CD40: variants seen among roughly 807,000 people sequenced by gnomAD.
The protein encoded by CD40 is tumor necrosis factor receptor superfamily member 5.
A neutral mutation model predicts 38.5 loss-of-function variants in CD40; 19 were observed. The observed-to-expected ratio is 0.49, with a 90% CI of 0.34 to 0.72. The LOEUF (loss-of-function observed/expected upper bound fraction) is 0.72. Among genes scored for constraint, CD40 ranks in the 30% least tolerant of loss-of-function variants. The probability of loss-of-function intolerance (pLI) is 0.01; values close to 1 mark genes in which losing one functional copy is unlikely to be tolerated. For synonymous variants in CD40, 130 were observed against 128.7 expected (o/e 1.01, Z -0.07); for missense variants, 256 against 344.1 (o/e 0.74, Z 2.03).
chr20:46,127,005 A>G, intron 6 of CD40: 1 of 455,896 alleles, frequency 2.2e-6, no homozygotes, highest in Non-Finnish European at 4.1e-6. Context: ...GTCAGGGGTA[A>G]GAAAATTACA....
intron 5 of CD40, among the ~76,000 whole-genome samples, chr20:46,126,351 C>T (rs2085435606): frequency 6.6e-6 from 1 of 152,190 alleles, no homozygotes. Context: ...TCCCATCTCA[C>T]TTTAGCCTAC....
chr20:46,126,625 C>T lies in CD40; in HGVS notation c.498-15C>T, dbSNP rs370003801. 50 of 1,613,884 alleles carry T rather than the reference C, an allele frequency of 3.1e-5. No homozygotes were observed. The highest frequency in any genetic ancestry group is 2.4e-4 in the African/African-American group (18 of 74,914). On this transcript the variant is annotated splice_polypyrimidine_tract_variant and intron_variant, in intron 5 of 8. Coordinates refer to ENST00000372285, the MANE Select transcript of CD40 (RefSeq NM_001250.6). ...TTCTCTGTGTGTGTGCATTTGTGCA[C>T]GTGTCTGTGCATAGCTGTGAGACCA...
intron 5 of CD40, among the ~76,000 whole-genome samples, chr20:46,123,912 C>G (rs773107617): frequency 2.0e-5 from 3 of 152,252 alleles, no homozygotes; most frequent in Non-Finnish European, 4.4e-5. Flanking sequence ...TTCCTGCTCT[C>G]TTTCCTGCAT....
rs1367438937 is a variant in CD40 at position 46,122,339 on chromosome 20, G to A, written c.237G>A (p.Gln79=). 1.9e-6 allele frequency: 3 copies of A among 1,614,190 alleles called. No individual in the cohort carries two copies. Among genetic ancestry groups the A allele is most frequent in the Middle Eastern group, 1.6e-4 (1 of 6,062 alleles). The change falls in exon 3 of 9, where the codon CAG becomes CAA. Residue 79 remains glutamine (Q), a synonymous_variant. Transcript: ENST00000372285. The surrounding 1 kb of genome is among the most constrained non-coding windows in gnomAD (Gnocchi z 5.0). ...DTWNRETHCH[Q]HKYCDPNLGL... ...GGAACAGAGAGACACACTGCCACCAGCACAAATACTGCGACCCCAGTGCGT... is the reference window on the plus strand; with the variant it reads ...GGAACAGAGAGACACACTGCCACCAACACAAATACTGCGACCCCAGTGCGT...
intron 1 of CD40, 93 bp from the exon 2 acceptor site, chr20:46,121,727 G>T: frequency 1.1e-6 from 1 of 938,478 alleles, no homozygotes; most frequent in Non-Finnish European, 1.8e-6. Flanking sequence ...ACTTCAGTTT[G>T]CAGCCTCTGT....
Position 46,122,290 on chromosome 20 carries a change from G to A in CD40, c.188G>A (p.Gly63Asp), listed in dbSNP as rs1261429888. 3 of 1,614,210 alleles carry A rather than the reference G, an allele frequency of 1.9e-6. No homozygotes were observed. In the Admixed American group the frequency reaches 5.0e-5, roughly 27 times the overall value. ...EFTETECLPC[G>D]ESEFLDTWNR... is the part of the protein sequence containing the mutation. ...ACTGAAACGGAATGCCTTCCTTGCG[G>A]TGAAAGCGAATTCCTAGACACCTGG... Residue 63 changes from glycine to aspartate, a missense_variant, in exon 3 of 9, where the codon GGT (glycine) becomes GAT (aspartate). Coordinates refer to ENST00000372285, the MANE Select transcript of CD40 (RefSeq NM_001250.6). The surrounding 1 kb of genome is among the most constrained non-coding windows in gnomAD (Gnocchi z 5.0).
intron 5 of CD40, among the ~76,000 whole-genome samples, chr20:46,124,769 T>C (rs1438997976): frequency 8.9e-6 from 1 of 112,452 alleles, no homozygotes; most frequent in Non-Finnish European, 1.9e-5. Flanking sequence ...TTTTTTTTTT[T>C]TTTTTTTTTT....
Position 46,128,946 on chromosome 20 carries a change from C to CTGCT in CD40, c.741_744dup (p.Ala249CysfsTer59). 1 of 1,614,232 alleles carries CTGCT rather than the reference C, an allele frequency of 6.2e-7. No individual in the cohort carries two copies. Among genetic ancestry groups the CTGCT allele is most frequent in the Non-Finnish European group, 8.5e-7 (1 of 1,180,036 alleles). ...CCCGACGATCTTCCTGGCTCCAACA[C>CTGCT]TGCTGCTCCAGTGCAGGAGACTTTA... On this transcript the variant is annotated frameshift_variant, in exon 9 of 9. Transcript: ENST00000372285. LOFTEE classifies it high-confidence loss of function.
chr20:46,124,751 GTTT>G (rs780015926), intron 5 of CD40, among the ~76,000 whole-genome samples: 9,142 of 73,752 alleles, frequency 0.12, 877 homozygotes, highest in East Asian at 0.48. Context: ...CACTGGTATA[GTTT>G]TTTTTTTTTT....
In CD40 at chr20:46,123,118, A is replaced by G; in HGVS notation, c.404-8A>G. 6.2e-7 allele frequency: 1 copy of G among 1,608,988 alleles called. No homozygotes were observed. The highest frequency in any genetic ancestry group is 8.5e-7 in the Non-Finnish European group (1 of 1,175,834). On this transcript the variant is annotated splice_region_variant and splice_polypyrimidine_tract_variant and intron_variant, in intron 4 of 8. Transcript: ENST00000372285. ...ATGGTTAATGTCCCCCTCCCCACCC[A>G]CTCCCAGCTACAGGGGTTTCTGATA...
Position 46,122,602 on chromosome 20 carries a change from C to A in CD40, c.257-8C>A. 6.2e-7 allele frequency: 1 copy of A among 1,614,170 alleles called. No homozygotes were observed. Among genetic ancestry groups the A allele is most frequent in the South Asian group, 1.1e-5 (1 of 91,074 alleles). On this transcript the variant is annotated splice_polypyrimidine_tract_variant and splice_region_variant and intron_variant, in intron 3 of 8. Transcript: ENST00000372285. The surrounding 1 kb of genome is among the most constrained non-coding windows in gnomAD (Gnocchi z 5.0). ...GGGTTCCCATCCTTCCTGCCCTTCT[C>A]TTCTCAGACCTAGGGCTTCGGGTCC...
Position 46,122,408 on chromosome 20 carries a change from C to A in CD40, c.256+50C>A. The A allele has an allele frequency of 1.2e-6, 2 of 1,612,582 alleles. No individual in the cohort carries two copies. Among genetic ancestry groups the A allele is most frequent in the Non-Finnish European group, 1.7e-6 (2 of 1,179,192 alleles). On this transcript the variant is annotated intron_variant, in intron 3 of 8. Transcript: ENST00000372285. This position sits in a 1 kb window ranked among gnomAD's most constrained non-coding sequence, Gnocchi z 5.0. Reference sequence around the variant, plus strand: ...CGCTTGGGAACCGGGCTGATATTCCCGACAATGCAGCCATTCTAATTTTAT... The same window carrying A: ...CGCTTGGGAACCGGGCTGATATTCCAGACAATGCAGCCATTCTAATTTTAT...
rs1301729865 is a variant in CD40 at position 46,128,187 on chromosome 20, G to T, written c.609G>T (p.Gly203=). The change falls in exon 7 of 9, where the codon GGG becomes GGT. Residue 203 remains glycine, a synonymous_variant. Transcript: ENST00000372285. ...TGGTGGTGATCCCCATCATCTTCGG[G>T]ATCCTGTTTGCCATCCTCTTGGTGC... ...RALVVIPIIF[G]ILFAILLVLV... 2.5e-6 allele frequency: 4 copies of T among 1,613,878 alleles called. No individual in the cohort carries two copies. Among genetic ancestry groups the T allele is most frequent in the Non-Finnish European group, 2.5e-6 (3 of 1,179,980 alleles).
rs538907011 is a variant in CD40 at position 46,123,693 on chromosome 20, C to T, written c.497+474C>T. 4.6e-5 allele frequency among the ~76,000 whole-genome samples: 7 copies of T among 152,320 alleles called. No homozygotes were observed. The South Asian group carries it at 1.5e-3, about 32-fold the overall frequency. On this transcript the variant is annotated intron_variant, in intron 5 of 8. Transcript: ENST00000372285. ...CCACTGTTGTCACTTTAGTTTGGGC[C>T]TCATCACTGTGGTCTGGGTGATGCC...
In CD40 at chr20:46,128,985, C is replaced by T. The variant is rs759961210; in HGVS notation, c.779C>T (p.Pro260Leu). The T allele has an allele frequency of 1.6e-5, 26 of 1,614,048 alleles. No individual in the cohort carries two copies. In the South Asian group the frequency reaches 2.1e-4, roughly 13 times the overall value. ...CAGGAGACTTTACATGGATGCCAAC[C>T]GGTCACCCAGGAGGATGGCAAAGAG... ...PVQETLHGCQ[P>L]VTQEDGKESR... Residue 260 changes from proline (P) to leucine (L), a missense_variant, in exon 9 of 9, where the codon CCG becomes CTG. Transcript: ENST00000372285.
chr20:46,122,883 A>AT lies in CD40; in HGVS notation c.403+128dup. 8.1e-7 allele frequency: 1 copy of AT among 1,239,252 alleles called. No individual in the cohort carries two copies. The allele number at this position is 1,239,252 out of a possible 1,614,324, so 76.8% of individuals were successfully genotyped here. A position where few individuals can be genotyped will look rare whatever the true frequency, so the allele number is the denominator to read the frequency against. On this transcript the variant is annotated intron_variant, in intron 4 of 8. Coordinates refer to ENST00000372285, the MANE Select transcript of CD40 (RefSeq NM_001250.6). The surrounding 1 kb of genome is among the most constrained non-coding windows in gnomAD (Gnocchi z 5.0). ...AGCAGAGGCTCCAACCTATGTCGGT[A>AT]TCCCCACTGGAGTGAGCTGCAGACG...
At position 46,128,237 on chromosome 20, in the gene CD40, G is replaced by GT. The variant is rs1199901506; in HGVS notation, c.646+14dup. The GT allele has an allele frequency of 1.2e-6, 2 of 1,613,574 alleles. No individual in the cohort carries two copies. Among genetic ancestry groups the GT allele is most frequent in the Admixed American group, 3.3e-5 (2 of 59,962 alleles). On this transcript the variant is annotated intron_variant, in intron 7 of 8. Coordinates refer to ENST00000372285, the MANE Select transcript of CD40 (RefSeq NM_001250.6). ...CTGGTCTTTATCAGTGAGTCCTCAG[G>GT]TGGGGAGGTGTTGGGGGAGGGAGGG...
Position 46,126,644 on chromosome 20 carries a change from G to C in CD40, c.502G>C (p.Glu168Gln). 1 of 1,614,140 alleles carries C rather than the reference G, an allele frequency of 6.2e-7. No individual in the cohort carries two copies. Among genetic ancestry groups the C allele is most frequent in the South Asian group, 1.1e-5 (1 of 91,078 alleles). ...FEKCHPWTSC[E>Q]TKDLVVQQAG... is the part of the protein sequence containing the mutation. ...TGTGCACGTGTCTGTGCATAGCTGT[G>C]AGACCAAAGACCTGGTTGTGCAACA... The change falls in exon 6 of 9, where the codon GAG (glutamate) becomes CAG (glutamine). Residue 168 changes from glutamate to glutamine, a missense_variant. Glu to Gln is a conservative substitution (Grantham distance 29, BLOSUM62 2). Coordinates refer to ENST00000372285, the MANE Select transcript of CD40 (RefSeq NM_001250.6).
At chr20:46,123,054 C>A in intron 4 of CD40, 72 bp from the exon 5 acceptor site, 1 of 1,198,448 alleles carries the variant, frequency 8.3e-7, no homozygotes, top group South Asian at 1.2e-5. Context: ...CCTGCCTGGC[C>A]ACTGGCTGCC....
Sources: gnomAD v4.1 joint callset for allele counts (sites outside exome capture counted in the v4.1 genomes callset) on GRCh38, gnomAD v4.1.1 for gene constraint, Gnocchi (gnomAD v3.1) non-coding constraint, MANE v1.5 for transcripts, NCBI Gene and HGNC (gene_info 2026-07-23, HGNC 2026-07-21) for gene names.